XDH: variants seen among roughly 807,000 people sequenced by gnomAD.
XDH encodes the protein xanthine dehydrogenase/oxidase.
XDH carries 138 observed loss-of-function variants against 156.1 expected under a neutral mutation model. That is an observed-to-expected ratio of 0.88 (90% CI 0.77 to 1.02). The LOEUF (loss-of-function observed/expected upper bound fraction) is 1.02, where lower values mean the gene tolerates loss of function less well. Ranked by LOEUF, XDH falls within the 50% of genes least tolerant of loss-of-function variation. The pLI is 0.00. For missense variants in XDH, 1,849 were observed against 1,684.9 expected (o/e 1.10, Z -1.71); for synonymous variants, 669 against 625.7 (o/e 1.07, Z -1.03).
chr2:31,343,306 A>ATATATATATATGCATGTT (rs1553411629), intron 31 of XDH, among the ~76,000 whole-genome samples: 106 of 107,156 alleles, frequency 9.9e-4, no homozygotes, highest in African/African-American at 3.2e-3. Context: ...ATATATATAT[A>ATATATATATATGCATGTT]TATATATATA....
chr2:31,390,451 T>C (rs754848204), intron 6 of XDH, among the ~76,000 whole-genome samples: 1 of 152,258 alleles, frequency 6.6e-6, no homozygotes, highest in Non-Finnish European at 1.5e-5. Flanking sequence ...TTGGCAATTA[T>C]GAGTAAGGTT....
At chr2:31,371,054 C>A (rs1686057892) in intron 17 of XDH, among the ~76,000 whole-genome samples, 1 of 152,192 alleles carries the variant, frequency 6.6e-6, no homozygotes, top group South Asian at 2.1e-4. Context: ...CTTCATAAAG[C>A]TGGATTTGTC....
chr2:31,383,538 T>C (rs570931820), intron 10 of XDH, among the ~76,000 whole-genome samples: 2 of 152,096 alleles, frequency 1.3e-5, no homozygotes, highest in Non-Finnish European at 2.9e-5. Flanking sequence ...GAAAAATGAT[T>C]GAAGATCCCG....
At chr2:31,384,943 G>C (rs1172412200) in intron 9 of XDH, among the ~76,000 whole-genome samples, 2 of 152,240 alleles carry the variant, frequency 1.3e-5, no homozygotes. Flanking sequence ...AGAGAGAAGG[G>C]AGTGGCGCAG....
At chr2:31,392,060 T>C (rs985435333) in intron 6 of XDH, among the ~76,000 whole-genome samples, 1 of 152,222 alleles carries the variant, frequency 6.6e-6, no homozygotes, top group African/African-American at 2.4e-5. Context: ...GGAATTGTTT[T>C]ATTTCATCTA....
intron 18 of XDH, among the ~76,000 whole-genome samples, chr2:31,369,703 T>C (rs1011685737): frequency 6.6e-6 from 1 of 152,258 alleles, no homozygotes; most frequent in Non-Finnish European, 1.5e-5. Context: ...TTCTATGAAA[T>C]GCTCTCCTCA....
chr2:31,405,588 C>G (rs567883942), intron 2 of XDH, among the ~76,000 whole-genome samples: 1 of 152,294 alleles, frequency 6.6e-6, no homozygotes, highest in Admixed American at 6.5e-5. Context: ...GAAGGCCCCC[C>G]TCTTCCCACA....
intron 35 of XDH, among the ~76,000 whole-genome samples, chr2:31,336,996 AG>A (rs1684984867): frequency 6.6e-6 from 1 of 150,694 alleles, no homozygotes; most frequent in African/African-American, 2.4e-5. Context: ...TTCTTTTGTT[AG>A]GCATTGCCAA....
intron 6 of XDH, among the ~76,000 whole-genome samples, chr2:31,390,706 T>C (rs1176731007): frequency 6.6e-6 from 1 of 152,232 alleles, no homozygotes; most frequent in Non-Finnish European, 1.5e-5. Flanking sequence ...ACCATTCTAA[T>C]AGACCTGTGG....
At chr2:31,344,228 C>A in intron 31 of XDH, among the ~76,000 whole-genome samples, 1 of 152,144 alleles carries the variant, frequency 6.6e-6, no homozygotes, top group East Asian at 1.9e-4. Flanking sequence ...GCTCTAAATC[C>A]TCCTCTCATT....
intron 4 of XDH, among the ~76,000 whole-genome samples, chr2:31,399,778 GT>G (rs1687007233): frequency 6.6e-6 from 1 of 152,176 alleles, no homozygotes; most frequent in African/African-American, 2.4e-5. Flanking sequence ...CTGCCACCAT[GT>G]AAGATGTGCT....
chr2:31,350,367 T>C (rs1442419279), intron 24 of XDH, 144 bp from the exon 25 acceptor site: 6 of 335,780 alleles, frequency 1.8e-5, no homozygotes, highest in Non-Finnish European at 2.7e-5. Context: ...TGCAGCAGCA[T>C]CTTTTTTTTT....
intron 15 of XDH, among the ~76,000 whole-genome samples, chr2:31,375,017 T>TCC (rs1686194254): frequency 9.4e-6 from 1 of 105,934 alleles, no homozygotes; most frequent in Non-Finnish European, 1.8e-5. Context: ...CTTTCTTTCT[T>TCC]TCTTTCTTTT....
intron 15 of XDH, among the ~76,000 whole-genome samples, chr2:31,374,491 T>C (rs1369034339): frequency 1.3e-5 from 2 of 151,962 alleles, no homozygotes; most frequent in East Asian, 3.9e-4. Context: ...GAGAGAGAGA[T>C]GGGGCAGACA....
At chr2:31,375,333 C>T in intron 15 of XDH, 47 bp downstream of exon 15, 2 of 1,613,562 alleles carry the variant, frequency 1.2e-6, no homozygotes, top group Non-Finnish European at 1.7e-6. Context: ...CTTCTTATAT[C>T]CCCAAACATG....
rs1685219206 is a variant in XDH at position 31,344,198 on chromosome 2, A to G, written c.3404+486T>C. ...TTAATAAGTTTCCACTGTATTCTGCATTTTGTAATAAGACCACGTGCTCTA... is the reference window on the plus strand; with the variant it reads ...TTAATAAGTTTCCACTGTATTCTGCGTTTTGTAATAAGACCACGTGCTCTA... On this transcript the variant is annotated intron_variant, in intron 31 of 35. Coordinates refer to ENST00000379416, the MANE Select transcript of XDH (RefSeq NM_000379.4). Among the ~76,000 whole-genome samples the G allele has an allele frequency of 2.6e-5, 4 of 152,288 alleles. No individual in the cohort carries two copies. In the South Asian group the frequency reaches 6.2e-4, roughly 24 times the overall value.
intron 22 of XDH, 57 bp from the exon 23 acceptor site, chr2:31,365,601 G>A (rs1271090895): frequency 1.9e-6 from 3 of 1,594,564 alleles, no homozygotes; most frequent in African/African-American, 1.3e-5. Flanking sequence ...GCTCAGCCCT[G>A]CAAGTCTCAG....
chr2:31,366,259 GTGATGCTGGGGCCTGCCAGAC>G, intron 21 of XDH, 150 bp from the exon 22 acceptor site: 3 of 1,398,824 alleles, frequency 2.1e-6, no homozygotes, highest in Non-Finnish European at 1.0e-6. Context: ...TTTGTGGTTA[GTGATGCTGGGGCCTGCCAGAC>G]TGAATTCAGC....
At chr2:31,400,454 T>C (rs751667177) in intron 4 of XDH, among the ~76,000 whole-genome samples, 3 of 152,102 alleles carry the variant, frequency 2.0e-5, no homozygotes, top group East Asian at 1.9e-4. Context: ...TTAGCCAGGA[T>C]AGTCTCGATC....
Sources: gnomAD v4.1 joint callset for allele counts (sites outside exome capture counted in the v4.1 genomes callset) on GRCh38, gnomAD v4.1.1 for gene constraint, MANE v1.5 for transcripts, NCBI Gene and HGNC (gene_info 2026-07-23, HGNC 2026-07-21) for gene names.